Variants in KSR2 observed in about 807,000 individuals in gnomAD.
KSR2 encodes the protein kinase suppressor of ras 2.
Under a neutral mutation model 107.8 loss-of-function variants are expected in KSR2, and 25 were observed. The ratio of observed to expected loss-of-function variants is 0.23; its 90% CI spans 0.17 to 0.32. The LOEUF is 0.32. Ranked by LOEUF, KSR2 falls within the 10% of genes least tolerant of loss-of-function variation. KSR2 has a pLI of 1.00. For missense variants in KSR2, 887 were observed against 1,268.9 expected (o/e 0.70, Z 4.57); for synonymous variants, 480 against 507.0 (o/e 0.95, Z 0.71).
intron 4 of KSR2, among the ~76,000 whole-genome samples, chr12:117,739,165 C>T (rs1888065563): frequency 6.6e-6 from 1 of 152,132 alleles, no homozygotes; most frequent in African/African-American, 2.4e-5. Flanking sequence ...ACTATCCTGG[C>T]TGACACGGTG....
intron 9 of KSR2, among the ~76,000 whole-genome samples, chr12:117,546,604 A>G (rs1005514276): frequency 6.6e-6 from 1 of 152,106 alleles, no homozygotes; most frequent in Non-Finnish European, 1.5e-5. Flanking sequence ...CACCGATGAC[A>G]CCAATGTTAG....
rs1169298334 is a variant in KSR2, at chr12:117,843,285, T to A, written c.472+12143A>T. On this transcript the variant is annotated intron_variant, in intron 3 of 19. Coordinates refer to ENST00000339824, the MANE Select transcript of KSR2 (RefSeq NM_173598.6). ...TTAGCCTAGAACGAGTTAAGTGAAA[T>A]CCAACAAGTCCCTTCCCTTCTTTAA... 7.2e-5 allele frequency among the ~76,000 whole-genome samples: 11 copies of A among 152,286 alleles called. 1 individual carries two copies. The South Asian group carries it at 1.0e-3, about 14-fold the overall frequency.
intron 14 of KSR2, among the ~76,000 whole-genome samples, chr12:117,490,234 G>T (rs1177629583): frequency 6.6e-6 from 1 of 152,134 alleles, no homozygotes; most frequent in Non-Finnish European, 1.5e-5. Context: ...AGATATCACA[G>T]CTAAGGGAAC....
chr12:117,719,626 C>T (rs577619853), intron 4 of KSR2, among the ~76,000 whole-genome samples: 7 of 152,216 alleles, frequency 4.6e-5, no homozygotes, highest in Admixed American at 1.3e-4. Flanking sequence ...ATCATTGACC[C>T]TGAAGCCAAA....
At chr12:117,553,674 G>C (rs1179852060) in intron 9 of KSR2, among the ~76,000 whole-genome samples, 1 of 152,196 alleles carries the variant, frequency 6.6e-6, no homozygotes, top group Non-Finnish European at 1.5e-5. Context: ...TGTTGGAGGT[G>C]GGGCCTAGTG....
At chr12:117,681,202 G>A (rs1183919338) in intron 4 of KSR2, among the ~76,000 whole-genome samples, 1 of 152,194 alleles carries the variant, frequency 6.6e-6, no homozygotes, top group Non-Finnish European at 1.5e-5. Flanking sequence ...CCCAGGAGGT[G>A]GAGGCTGCAG....
chr12:117,884,777 C>T (rs1443388833), intron 1 of KSR2, among the ~76,000 whole-genome samples: 3 of 152,118 alleles, frequency 2.0e-5, no homozygotes, highest in Non-Finnish European at 4.4e-5. Context: ...GCTGCACTGC[C>T]GAGACCTCTG....
chr12:117,635,456 A>C (rs1026855995), intron 5 of KSR2, among the ~76,000 whole-genome samples: 2 of 152,232 alleles, frequency 1.3e-5, no homozygotes, highest in Admixed American at 6.5e-5. Context: ...TTAAAATAAC[A>C]AAGATTGCCA....
chr12:117,626,575 T>G (rs545431076), intron 5 of KSR2, among the ~76,000 whole-genome samples: 6 of 152,348 alleles, frequency 3.9e-5, no homozygotes, highest in African/African-American at 1.4e-4. Context: ...AGAGACAGTT[T>G]GTTGTGATTT....
At chr12:117,517,792 A>C (rs1874472001) in intron 14 of KSR2, 5 of 454,204 alleles carry the variant, frequency 1.1e-5, no homozygotes, top group South Asian at 7.8e-5. Context: ...ATGGGGACGG[A>C]ATCTTCATGT....
intron 3 of KSR2, among the ~76,000 whole-genome samples, chr12:117,800,469 C>T (rs1290102543): frequency 6.6e-6 from 1 of 152,168 alleles, no homozygotes; most frequent in African/African-American, 2.4e-5. Flanking sequence ...CTGGAGAAGC[C>T]AAGTTCAGTG....
intron 1 of KSR2, among the ~76,000 whole-genome samples, chr12:117,892,516 T>C (rs989896941): frequency 2.0e-4 from 30 of 152,182 alleles, no homozygotes; most frequent in Middle Eastern, 3.4e-3. Flanking sequence ...TTTTTTCCCA[T>C]ACTGGCTTCT....
At chr12:117,597,641 G>A (rs1383434749) in intron 5 of KSR2, among the ~76,000 whole-genome samples, 1 of 152,130 alleles carries the variant, frequency 6.6e-6, no homozygotes, top group Non-Finnish European at 1.5e-5. Flanking sequence ...TTGGAATTAC[G>A]ACCTCCGGAA....
intron 4 of KSR2, among the ~76,000 whole-genome samples, chr12:117,678,208 C>G (rs1885222330): frequency 6.6e-6 from 1 of 151,804 alleles, no homozygotes; most frequent in Admixed American, 6.6e-5. Flanking sequence ...ACCTCACACG[C>G]CCAAAGTGCT....
chr12:117,793,297 C>T (rs2136984051), intron 3 of KSR2, among the ~76,000 whole-genome samples: 1 of 112,594 alleles, frequency 8.9e-6, no homozygotes, highest in African/African-American at 3.6e-5. Flanking sequence ...ACATACCATA[C>T]ACACAACATG....
intron 8 of KSR2, among the ~76,000 whole-genome samples, 162 bp downstream of exon 8, chr12:117,558,344 G>C (rs77820164): frequency 6.6e-6 from 1 of 152,096 alleles, no homozygotes; most frequent in Non-Finnish European, 1.5e-5. Flanking sequence ...GGATAAAGGA[G>C]ACAGATGTCA....
chr12:117,794,466 ACT>A (rs1217270677), intron 3 of KSR2, among the ~76,000 whole-genome samples: 4 of 123,138 alleles, frequency 3.2e-5, no homozygotes, highest in East Asian at 2.8e-4. Context: ...CAACATGCAC[ACT>A]CACACCAACA....
At chr12:117,816,362 A>T (rs910292752) in intron 3 of KSR2, among the ~76,000 whole-genome samples, 2 of 152,086 alleles carry the variant, frequency 1.3e-5, no homozygotes, top group African/African-American at 4.8e-5. Context: ...CTTTTAGATG[A>T]TTGCAGCACC....
intron 1 of KSR2, among the ~76,000 whole-genome samples, chr12:117,878,281 C>T (rs1893925615): frequency 6.6e-6 from 1 of 152,052 alleles, no homozygotes; most frequent in African/African-American, 2.4e-5. Context: ...TTTTGCAGGG[C>T]AAAGCCAATC....
Sources: gnomAD v4.1 joint callset for allele counts (sites outside exome capture counted in the v4.1 genomes callset) on GRCh38, gnomAD v4.1.1 for gene constraint, MANE v1.5 for transcripts, NCBI Gene and HGNC (gene_info 2026-07-23, HGNC 2026-07-21) for gene names.